The following NR3C1 variants were observed in gnomAD, a reference collection of about 807,000 sequenced individuals.
NR3C1 encodes nuclear receptor subfamily 3 group C member 1.
NR3C1 carries 14 observed loss-of-function variants against 74.0 expected under a neutral mutation model. That is an observed-to-expected ratio of 0.19 (90% CI 0.12 to 0.30). NR3C1 has a LOEUF of 0.30. Among genes scored for constraint, NR3C1 ranks in the 10% least tolerant of loss-of-function variants. The pLI is 1.00. For synonymous variants in NR3C1, 308 were observed against 332.5 expected (o/e 0.93, Z 0.80); for missense variants, 695 against 909.8 (o/e 0.76, Z 3.04).
intron 2 of NR3C1, among the ~76,000 whole-genome samples, chr5:143,380,726 C>A (rs549239654): frequency 3.8e-4 from 58 of 152,292 alleles, no homozygotes; most frequent in African/African-American, 1.3e-3. Context: ...TTCAGCTCCT[C>A]TTCAAGCTTA....
intron 1 of NR3C1, among the ~76,000 whole-genome samples, chr5:143,418,757 G>A (rs1751054858): frequency 6.6e-6 from 1 of 152,158 alleles, no homozygotes; most frequent in Non-Finnish European, 1.5e-5. Context: ...AAGCTCCAGT[G>A]ATGACACAGA....
At chr5:143,321,018 CTT>C (rs1823253743) in intron 2 of NR3C1, among the ~76,000 whole-genome samples, 1 of 152,138 alleles carries the variant, frequency 6.6e-6, no homozygotes, top group Admixed American at 6.6e-5. Flanking sequence ...AGACTAAAAA[CTT>C]TTTGATCGCA....
chr5:143,325,392 T>C (rs1422533731), intron 2 of NR3C1, among the ~76,000 whole-genome samples: 2 of 152,220 alleles, frequency 1.3e-5, no homozygotes, highest in African/African-American at 4.8e-5. Context: ...GACCCTGTGA[T>C]TCAATTAGCT....
intron 2 of NR3C1, among the ~76,000 whole-genome samples, chr5:143,381,725 C>A (rs1836283648): frequency 6.6e-6 from 1 of 152,034 alleles, no homozygotes; most frequent in East Asian, 1.9e-4. Context: ...AACTGGATAT[C>A]CATAGGCAGA....
chr5:143,368,225 T>C (rs1833610286), intron 2 of NR3C1, among the ~76,000 whole-genome samples: 1 of 152,158 alleles, frequency 6.6e-6, no homozygotes, highest in Non-Finnish European at 1.5e-5. Flanking sequence ...TCACACCATA[T>C]ACACAAATTA....
chr5:143,385,859 T>C (rs1048716005), intron 2 of NR3C1, among the ~76,000 whole-genome samples: 4 of 152,214 alleles, frequency 2.6e-5, no homozygotes, highest in African/African-American at 9.6e-5. Context: ...CATTATCCAG[T>C]TACAAAGTTG....
intron 3 of NR3C1, among the ~76,000 whole-genome samples, chr5:143,312,458 TCCCA>T (rs1333809895): frequency 6.6e-6 from 1 of 152,090 alleles, no homozygotes; most frequent in Non-Finnish European, 1.5e-5. Flanking sequence ...AGTGTAGTAG[TCCCA>T]CCTATTGATT....
At chr5:143,429,817 T>C (rs1751717856) in intron 1 of NR3C1, among the ~76,000 whole-genome samples, 1 of 152,188 alleles carries the variant, frequency 6.6e-6, no homozygotes, top group African/African-American at 2.4e-5. Context: ...CGGTGGCTTA[T>C]GCCTGTAATT....
At chr5:143,356,500 G>T (rs1831167530) in intron 2 of NR3C1, among the ~76,000 whole-genome samples, 1 of 152,028 alleles carries the variant, frequency 6.6e-6, no homozygotes, top group Non-Finnish European at 1.5e-5. Context: ...AATCACTCCA[G>T]TAACAATATT....
chr5:143,375,789 A>G (rs1253505935), intron 2 of NR3C1: 1 of 152,234 alleles, frequency 6.6e-6, no homozygotes. Flanking sequence ...AAAATTGATC[A>G]AAGAGGAACA....
chr5:143,375,624 T>C (rs1835058797), intron 2 of NR3C1: 1 of 152,242 alleles, frequency 6.6e-6, no homozygotes, highest in South Asian at 2.1e-4. Flanking sequence ...TTAATACAAA[T>C]TATGCACTTT....
upstream of NR3C1, chr5:143,403,756 C>T (rs1480956377): frequency 3.0e-5 from 30 of 984,620 alleles, no homozygotes; most frequent in Non-Finnish European, 3.6e-5. Flanking sequence ...CCCGAGGGGC[C>T]GCGCGGCGGC....
Position 143,282,126 on chromosome 5 carries a change from A to AT in NR3C1, c.2182-86dup, listed in dbSNP as rs902936723. 3.5e-5 allele frequency: 50 copies of AT among 1,440,664 alleles called. No individual in the cohort carries two copies. The Admixed American group carries it at 8.5e-4, about 24-fold the overall frequency. The allele number at this position is 1,440,664 out of a possible 1,614,324, so 89.2% of individuals were successfully genotyped here. Reference sequence around the variant, plus strand: ...GTTTGTTGTCCTCTATTTTGAAAAAATTATCTGGCCTAGAATATACCAATC... The same window carrying AT: ...GTTTGTTGTCCTCTATTTTGAAAAAATTTATCTGGCCTAGAATATACCAATC... On this transcript the variant is annotated intron_variant, in intron 8 of 8. Coordinates refer to ENST00000394464, the MANE Select transcript of NR3C1 (RefSeq NM_000176.3).
In NR3C1 at chr5:143,412,874, T is replaced by C. The variant is rs117338534; in HGVS notation, c.-13-12022A>G. Among the ~76,000 whole-genome samples, 198 of 152,326 alleles carry C rather than the reference T, an allele frequency of 1.3e-3. 4 individuals carry two copies. In the East Asian group the frequency reaches 0.027, roughly 20 times the overall value. On this transcript the variant is annotated intron_variant, in intron 1 of 8. Transcript: ENST00000343796. ...ATGACTAACACTTTGAGGATTCAGT[T>C]TGGATATGTTGTTTACTTTGGTCTT... is the stretch of plus-strand genomic sequence containing the variant.
At chr5:143,359,266 T>C (rs1317137727) in intron 2 of NR3C1, among the ~76,000 whole-genome samples, 1 of 152,224 alleles carries the variant, frequency 6.6e-6, no homozygotes, top group Non-Finnish European at 1.5e-5. Context: ...ATCTAGACTG[T>C]AACATATGTC....
chr5:143,361,789 A>T (rs1371641479), intron 2 of NR3C1, among the ~76,000 whole-genome samples: 1 of 152,218 alleles, frequency 6.6e-6, no homozygotes, highest in Non-Finnish European at 1.5e-5. Flanking sequence ...ACTTGCACAC[A>T]AAAAGTTCAT....
chr5:143,363,666 C>A (rs1293885874), intron 2 of NR3C1, among the ~76,000 whole-genome samples: 1 of 151,744 alleles, frequency 6.6e-6, no homozygotes, highest in East Asian at 1.9e-4. Flanking sequence ...AAGTATAAAA[C>A]AGTATCTCAT....
rs555915598 is a variant in NR3C1, at chr5:143,398,213, T to C, written c.1184+1443A>G. 2.9e-4 allele frequency among the ~76,000 whole-genome samples: 44 copies of C among 152,058 alleles called. 1 individual carries two copies. The South Asian group carries it at 8.9e-3, about 31-fold the overall frequency. The stretch of plus-strand genomic sequence containing the variant: ...TAAAACACAACAGCTTATGCAATAA[T>C]AAAGATCTCAAATCTCCTTACTGAA... On this transcript the variant is annotated intron_variant, in intron 2 of 8. Coordinates refer to ENST00000394464, the MANE Select transcript of NR3C1 (RefSeq NM_000176.3).
intron 2 of NR3C1, among the ~76,000 whole-genome samples, chr5:143,373,737 C>CA (rs940569821): frequency 6.6e-6 from 1 of 151,476 alleles, no homozygotes; most frequent in African/African-American, 2.4e-5. Context: ...CAAAATAATG[C>CA]AAAAAATACA....
Sources: gnomAD v4.1 joint callset for allele counts (sites outside exome capture counted in the v4.1 genomes callset) on GRCh38, gnomAD v4.1.1 for gene constraint, MANE v1.5 for transcripts, NCBI Gene and HGNC (gene_info 2026-07-23, HGNC 2026-07-21) for gene names.